The following VTI1A variants were observed in gnomAD, a reference collection of about 807,000 sequenced individuals.
VTI1A encodes the protein vesicle transport through interaction with t-SNAREs homolog 1A.
In VTI1A, 22 loss-of-function variants were observed where a neutral mutation model predicts 34.9. The observed-to-expected ratio is 0.63, with a 90% CI of 0.45 to 0.90. The LOEUF (loss-of-function observed/expected upper bound fraction) is 0.90. Ranked by LOEUF, VTI1A falls within the 40% of genes least tolerant of loss-of-function variation. The pLI is 0.00. For missense variants in VTI1A, 268 were observed against 275.6 expected, an observed-to-expected ratio of 0.97 and a Z score of 0.20; for synonymous variants, 87 against 97.3, an observed-to-expected ratio of 0.89 and a Z score of 0.62.
chr10:112,823,185 A>C (rs1225494290), downstream of VTI1A, among the ~76,000 whole-genome samples: 2 of 152,228 alleles, frequency 1.3e-5, no homozygotes, highest in Admixed American at 1.3e-4. Context: ...GCTGAGGCTG[A>C]GTAGGGCTGA....
chr10:112,609,866 C>G (rs1845225933), intron 5 of VTI1A, among the ~76,000 whole-genome samples: 1 of 152,056 alleles, frequency 6.6e-6, no homozygotes, highest in Admixed American at 6.6e-5. Context: ...CTCCATGGCC[C>G]TTAGGCAAAT....
chr10:112,573,513 CA>C lies in VTI1A; in HGVS notation c.427+35188del, dbSNP rs780605395. 3.3e-5 allele frequency among the ~76,000 whole-genome samples: 5 copies of C among 152,072 alleles called. No individual in the cohort carries two copies. The East Asian group carries it at 9.6e-4, about 29-fold the overall frequency. ...GAAAATATACAATCCCTTAATAGATCAAAAAGAAATTGACTGAGGTACAACC... is the reference window on the plus strand; with the variant it reads ...GAAAATATACAATCCCTTAATAGATCAAAAGAAATTGACTGAGGTACAACC... On this transcript the variant is annotated intron_variant, in intron 5 of 7. Coordinates refer to ENST00000393077, the MANE Select transcript of VTI1A (RefSeq NM_145206.4).
intron 1 of VTI1A, chr10:112,448,528 C>A (rs187546690): frequency 4.0e-4 from 61 of 152,276 alleles, no homozygotes; most frequent in African/African-American, 1.4e-3. Flanking sequence ...ATGGTTTGTA[C>A]AATGTTGATT....
At chr10:112,460,961 G>A (rs77096154) in intron 2 of VTI1A, among the ~76,000 whole-genome samples, 2 of 152,078 alleles carry the variant, frequency 1.3e-5, no homozygotes, top group African/African-American at 2.4e-5. Flanking sequence ...ATGATAAAGG[G>A]TCTGATATTT....
intron 3 of VTI1A, among the ~76,000 whole-genome samples, chr10:112,488,156 A>G (rs1848705219): frequency 3.9e-5 from 6 of 152,182 alleles, no homozygotes; most frequent in Admixed American, 3.9e-4. Context: ...CAATGTTTGT[A>G]CTATCAGGTA....
chr10:112,831,193 G>GAAT, the VTI1A span: 1 of 152,210 alleles, frequency 6.6e-6, no homozygotes, highest in African/African-American at 2.4e-5. Flanking sequence ...ATGAATGAAT[G>GAAT]GGAGAGAACT....
At chr10:112,646,952 A>T (rs539183682) in intron 5 of VTI1A, among the ~76,000 whole-genome samples, 34 of 152,230 alleles carry the variant, frequency 2.2e-4, no homozygotes, top group African/African-American at 7.9e-4. Context: ...AGATGTTGGG[A>T]CCATGTTTTA....
intron 5 of VTI1A, among the ~76,000 whole-genome samples, chr10:112,586,692 C>T (rs762100514): frequency 1.3e-5 from 2 of 152,082 alleles, no homozygotes; most frequent in African/African-American, 2.4e-5. Flanking sequence ...CTCCTCTAGC[C>T]GATCTCCTTA....
the VTI1A span, among the ~76,000 whole-genome samples, chr10:112,828,825 A>G: frequency 6.6e-6 from 1 of 151,534 alleles, no homozygotes; most frequent in South Asian, 2.1e-4. Flanking sequence ...CAGCCTGAGC[A>G]ACATAGTGAG....
chr10:112,492,632 C>T (rs1181879766), intron 3 of VTI1A, among the ~76,000 whole-genome samples: 1 of 151,876 alleles, frequency 6.6e-6, no homozygotes, highest in African/African-American at 2.4e-5. Flanking sequence ...CAAAAAAATA[C>T]AAAAATTAGC....
chr10:112,753,549 G>A (rs751911353), intron 7 of VTI1A, among the ~76,000 whole-genome samples: 9 of 152,076 alleles, frequency 5.9e-5, no homozygotes, highest in East Asian at 1.9e-4. Context: ...CATGGCGTGC[G>A]CTATTTGCAA....
At chr10:112,645,689 A>G (rs1590018997) in intron 5 of VTI1A, among the ~76,000 whole-genome samples, 2 of 152,328 alleles carry the variant, frequency 1.3e-5, no homozygotes, top group African/African-American at 2.4e-5. Flanking sequence ...TGGAATAAAT[A>G]ACTTCTAAAA....
intron 7 of VTI1A, among the ~76,000 whole-genome samples, chr10:112,811,089 C>T (rs1202624173): frequency 6.6e-6 from 1 of 152,222 alleles, no homozygotes; most frequent in Non-Finnish European, 1.5e-5. Context: ...GGTAAAAGAG[C>T]TTATGGTATT....
intron 7 of VTI1A, among the ~76,000 whole-genome samples, chr10:112,715,920 A>G (rs972307819): frequency 6.6e-6 from 1 of 152,180 alleles, no homozygotes; most frequent in Admixed American, 6.5e-5. Flanking sequence ...GTCAGTAACT[A>G]CTTTGTCAGT....
At chr10:112,708,165 G>A (rs1353214123) in intron 7 of VTI1A, among the ~76,000 whole-genome samples, 1 of 152,206 alleles carries the variant, frequency 6.6e-6, no homozygotes, top group Non-Finnish European at 1.5e-5. Flanking sequence ...GTGCTAGCCA[G>A]GTGTGTAAAG....
At chr10:112,788,309 C>T (rs760744852) in intron 7 of VTI1A, among the ~76,000 whole-genome samples, 62 of 152,106 alleles carry the variant, frequency 4.1e-4, no homozygotes, top group African/African-American at 1.3e-3. Flanking sequence ...TTTTGCTTCA[C>T]GTTTTTCAAG....
chr10:112,714,411 T>C, intron 7 of VTI1A, among the ~76,000 whole-genome samples: 1 of 152,212 alleles, frequency 6.6e-6, no homozygotes. Context: ...CTGCAGAATG[T>C]AAGCTCCAGG....
At chr10:112,843,516 A>G in the VTI1A span, among the ~76,000 whole-genome samples, 2 of 152,208 alleles carry the variant, frequency 1.3e-5, no homozygotes, top group Non-Finnish European at 2.9e-5. Context: ...CCTGCTCTAA[A>G]CTGATGATTG....
chr10:112,777,496 C>T (rs1270324597), intron 7 of VTI1A, among the ~76,000 whole-genome samples: 1 of 152,230 alleles, frequency 6.6e-6, no homozygotes, highest in Non-Finnish European at 1.5e-5. Context: ...TGACATAGAG[C>T]ACTGTGAGGA....
Sources: allele counts gnomAD v4.1 joint callset (sites outside exome capture counted in the v4.1 genomes callset), GRCh38; gene constraint gnomAD v4.1.1; transcripts MANE v1.5; gene names NCBI Gene and HGNC (gene_info 2026-07-23, HGNC 2026-07-21).